PLD3: variants seen among roughly 807,000 people sequenced by gnomAD.
PLD3 encodes 5'-3' exonuclease PLD3.
Under a neutral mutation model 58.4 loss-of-function variants are expected in PLD3, and 31 were observed. That is an observed-to-expected ratio of 0.53 (90% confidence interval 0.40 to 0.72). PLD3 has a LOEUF of 0.72. Ranked by LOEUF, PLD3 falls within the 30% of genes least tolerant of loss-of-function variation. The pLI, the probability that PLD3 is intolerant of heterozygous loss-of-function variation, is 0.00. For synonymous variants in PLD3, 264 were observed against 273.4 expected, an observed-to-expected ratio of 0.97 and a Z score of 0.34; for missense variants, 595 against 659.8, an observed-to-expected ratio of 0.90 and a Z score of 1.08.
intron 1 of PLD3, chr19:40,358,403 C>T (rs1182244492): frequency 6.6e-6 from 1 of 152,390 alleles, no homozygotes; most frequent in Non-Finnish European, 1.5e-5. Flanking sequence ...AGTAGCCTGC[C>T]ACCATGCCAG....
rs201245824 is a variant in PLD3, at chr19:40,367,693, C to G, written c.246-3C>G. The G allele has an allele frequency of 3.1e-6, 5 of 1,604,422 alleles. No individual in the cohort carries two copies. The highest frequency in any genetic ancestry group is 1.7e-5 in the Admixed American group (1 of 59,600). On this transcript the variant is annotated splice_polypyrimidine_tract_variant and splice_region_variant and intron_variant, in intron 5 of 12. Coordinates refer to ENST00000409735, the MANE Select transcript of PLD3 (RefSeq NM_012268.4). ...ATGGCTGATAGCATCCCCCACCCCCCAGAGCAGTGCTGGTGGAAAGCATTC... is the reference window on the plus strand; with the variant it reads ...ATGGCTGATAGCATCCCCCACCCCCGAGAGCAGTGCTGGTGGAAAGCATTC...
At chr19:40,370,400 C>T (rs990198656) in intron 8 of PLD3, 163 bp downstream of exon 8, 8 of 713,652 alleles carry the variant, frequency 1.1e-5, no homozygotes, top group South Asian at 7.5e-5. Context: ...AAGCCATGCA[C>T]GGTGGCTCAC....
intron 1 of PLD3, among the ~76,000 whole-genome samples, chr19:40,362,755 T>G (rs1350056513): frequency 6.6e-6 from 1 of 152,122 alleles, no homozygotes; most frequent in Non-Finnish European, 1.5e-5. Context: ...ATTAGTTTAC[T>G]TTTTAATCAA....
intron 8 of PLD3, chr19:40,370,523 AT>A: frequency 3.8e-6 from 1 of 264,780 alleles, no homozygotes; most frequent in Non-Finnish European, 7.3e-6. Context: ...AAAAAAAAAA[AT>A]AAGCCCGGTG....
chr19:40,358,180 G>A (rs1600272734), intron 1 of PLD3: 1 of 152,582 alleles, frequency 6.6e-6, no homozygotes, highest in East Asian at 1.9e-4. Flanking sequence ...TTGACCTCCT[G>A]GACTCAAGCA....
At chr19:40,367,940 G>A in intron 6 of PLD3, 61 bp downstream of exon 6, 3 of 1,404,164 alleles carry the variant, frequency 2.1e-6, no homozygotes, top group Non-Finnish European at 2.9e-6. Context: ...AGCGGGGGCT[G>A]TGGGGAATGA....
Position 40,366,648 on chromosome 19 carries a change from C to T in PLD3, c.66C>T (p.Pro22=). ...VPAEEPANEL[P]MNEIEAWKAA... ...CAGAGGAGCCCGCCAATGAGCTGCC[C>T]ATGAATGAGATTGAGGCGTGGAAGG... is the stretch of plus-strand genomic sequence containing the variant. The change falls in exon 4 of 13, where the codon CCC becomes CCT. Residue 22 remains proline (P), a synonymous_variant. Coordinates refer to ENST00000409735, the MANE Select transcript of PLD3 (RefSeq NM_012268.4). The T allele has an allele frequency of 6.3e-7, 1 of 1,592,312 alleles. No homozygotes were observed. Among genetic ancestry groups the T allele is most frequent in the Non-Finnish European group, 8.6e-7 (1 of 1,167,246 alleles).
At chr19:40,371,495 G>A (rs1481434883) in intron 8 of PLD3, 178 bp from the exon 9 acceptor site, 2 of 591,866 alleles carry the variant, frequency 3.4e-6, no homozygotes, top group African/African-American at 1.9e-5. Context: ...TGGAGCTTTG[G>A]AATAACTGAT....
At chr19:40,366,563 G>A (rs1600301866) in intron 3 of PLD3, 47 bp from the exon 4 acceptor site, 2 of 1,590,230 alleles carry the variant, frequency 1.3e-6, no homozygotes, top group East Asian at 2.2e-5. Context: ...TGGGGGTGGG[G>A]GTTCCCAAGA....
chr19:40,368,626 A>G (rs1255596737), intron 6 of PLD3, among the ~76,000 whole-genome samples: 1 of 152,096 alleles, frequency 6.6e-6, no homozygotes, highest in Non-Finnish European at 1.5e-5. Flanking sequence ...ATTATGGCCA[A>G]GTGTGGTGAT....
intron 9 of PLD3, among the ~76,000 whole-genome samples, chr19:40,372,749 T>G (rs1397873650): frequency 6.7e-6 from 1 of 150,348 alleles, no homozygotes; most frequent in South Asian, 2.1e-4. Flanking sequence ...GGTGTGGTTG[T>G]GTGCACCTGT....
chr19:40,357,624 TAG>T (rs1346698187), intron 1 of PLD3: 8 of 152,212 alleles, frequency 5.3e-5, no homozygotes, highest in Non-Finnish European at 1.0e-4. Context: ...TCACTAGGTA[TAG>T]AGAGACATCT....
chr19:40,373,601 G>T (rs919253614), intron 9 of PLD3, among the ~76,000 whole-genome samples: 1 of 150,950 alleles, frequency 6.6e-6, no homozygotes, highest in East Asian at 2.0e-4. Flanking sequence ...GGGGGGAAGC[G>T]GGGGAGCGGG....
At chr19:40,369,050 A>G (rs981244885) in intron 6 of PLD3, among the ~76,000 whole-genome samples, 3 of 152,170 alleles carry the variant, frequency 2.0e-5, no homozygotes, top group African/African-American at 4.8e-5. Flanking sequence ...ACTTGAGCCT[A>G]GGAATTGGAG....
intron 1 of PLD3, chr19:40,365,423 A>T (rs2145683072): frequency 6.6e-6 from 1 of 152,296 alleles, no homozygotes; most frequent in East Asian, 1.9e-4. Flanking sequence ...TTTTCTTCCC[A>T]TCTCATGCTG....
Position 40,369,891 on chromosome 19 carries a change from C to T in PLD3, c.430-17C>T, listed in dbSNP as rs761251427. The T allele has an allele frequency of 1.9e-6, 3 of 1,543,354 alleles. No individual in the cohort carries two copies. Among genetic ancestry groups the T allele is most frequent in the Non-Finnish European group, 1.7e-6 (2 of 1,144,912 alleles). On this transcript the variant is annotated splice_polypyrimidine_tract_variant and intron_variant, in intron 6 of 12. Coordinates refer to ENST00000409735, the MANE Select transcript of PLD3 (RefSeq NM_012268.4). The stretch of plus-strand genomic sequence containing the variant: ...GCTGGCTGGTCCAGCCCCTCAGAAG[C>T]TCTCCCCTCCCCGCAGGGTGAGGAG...
intron 1 of PLD3, among the ~76,000 whole-genome samples, chr19:40,351,342 G>A (rs1176508683): frequency 6.6e-6 from 1 of 152,104 alleles, no homozygotes; most frequent in African/African-American, 2.4e-5. Flanking sequence ...TCAGGAGTTC[G>A]AGACCAGCCT....
chr19:40,355,653 T>G (rs2078639100), intron 1 of PLD3, among the ~76,000 whole-genome samples: 1 of 147,458 alleles, frequency 6.8e-6, no homozygotes, highest in South Asian at 2.2e-4. Context: ...AATCTCAGTT[T>G]CTGGAGCAGG....
chr19:40,367,683 C>T lies in PLD3; in HGVS notation c.246-13C>T. 1 of 1,593,400 alleles carries T rather than the reference C, an allele frequency of 6.3e-7. No homozygotes were observed. Among genetic ancestry groups the T allele is most frequent in the South Asian group, 1.1e-5 (1 of 90,064 alleles). ...CCGGCACCGTATGGCTGATAGCATCCCCCACCCCCCAGAGCAGTGCTGGTG... is the reference window on the plus strand; with the variant it reads ...CCGGCACCGTATGGCTGATAGCATCTCCCACCCCCCAGAGCAGTGCTGGTG... On this transcript the variant is annotated splice_polypyrimidine_tract_variant and intron_variant, in intron 5 of 12. Transcript: ENST00000409735.
Sources: allele counts gnomAD v4.1 joint callset (sites outside exome capture counted in the v4.1 genomes callset), GRCh38; gene constraint gnomAD v4.1.1; transcripts MANE v1.5; gene names NCBI Gene and HGNC (gene_info 2026-07-23, HGNC 2026-07-21).